Variants in ERC2 observed in about 807,000 individuals in gnomAD.
ERC2 encodes ERC protein 2.
In ERC2, 42 loss-of-function variants were observed where a neutral mutation model predicts 114.8. The observed-to-expected ratio is 0.37, with a 90% confidence interval of 0.29 to 0.47. The LOEUF (loss-of-function observed/expected upper bound fraction) is 0.47, where lower values mean the gene tolerates loss of function less well. Ranked by LOEUF, ERC2 falls within the 20% of genes least tolerant of loss-of-function variation. The probability of loss-of-function intolerance (pLI) is 0.99; values close to 1 mark genes in which losing one functional copy is unlikely to be tolerated. For missense variants in ERC2, 939 were observed against 1,150.7 expected (o/e 0.82, Z 2.66); for synonymous variants, 454 against 425.5 (o/e 1.07, Z -0.82).
chr3:56,009,520 A>C (rs1190344959), intron 9 of ERC2, among the ~76,000 whole-genome samples: 2 of 152,182 alleles, frequency 1.3e-5, no homozygotes, highest in African/African-American at 4.8e-5. Flanking sequence ...CGAGTGAGGA[A>C]ATACTGCGGA....
chr3:55,616,032 A>G (rs2059110811), intron 17 of ERC2, among the ~76,000 whole-genome samples: 1 of 152,212 alleles, frequency 6.6e-6, no homozygotes, highest in Admixed American at 6.5e-5. Context: ...TGAGGGATGG[A>G]AATTCACTCT....
At chr3:56,082,713 T>G (rs1397245200) in intron 6 of ERC2, among the ~76,000 whole-genome samples, 1 of 151,978 alleles carries the variant, frequency 6.6e-6, no homozygotes, top group Non-Finnish European at 1.5e-5. Context: ...TTAAATAAGA[T>G]CATATGGAAC....
intron 3 of ERC2, among the ~76,000 whole-genome samples, chr3:56,204,650 G>A (rs538597142): frequency 3.3e-5 from 5 of 151,754 alleles, no homozygotes; most frequent in Non-Finnish European, 7.4e-5. Context: ...TTACAGTCGT[G>A]TACCACCATG....
Position 55,777,982 on chromosome 3 carries a change from A to C in ERC2, c.2565-43064T>G, listed in dbSNP as rs79248748. On this transcript the variant is annotated intron_variant, in intron 14 of 17. Coordinates refer to ENST00000288221, the MANE Select transcript of ERC2 (RefSeq NM_015576.3). The stretch of plus-strand genomic sequence containing the variant: ...TTTCAGACCATAGGAAATTTCCTTG[A>C]TGATGCTTCATATCAGATTAGGTAA... 4.1e-4 allele frequency among the ~76,000 whole-genome samples: 62 copies of C among 152,342 alleles called. 1 individual carries two copies. The East Asian group carries it at 0.012, about 28-fold the overall frequency.
intron 3 of ERC2, among the ~76,000 whole-genome samples, chr3:56,276,551 A>G (rs769969302): frequency 1.3e-5 from 2 of 151,788 alleles, no homozygotes; most frequent in Admixed American, 6.6e-5. Context: ...ATTTTTGACT[A>G]AAGTAACCAT....
intron 14 of ERC2, among the ~76,000 whole-genome samples, chr3:55,809,036 G>C (rs2149121566): frequency 6.6e-6 from 1 of 151,912 alleles, no homozygotes; most frequent in East Asian, 1.9e-4. Context: ...GTCCCCCAGT[G>C]CAGTCTTTTT....
chr3:56,348,275 A>G (rs1247386196), intron 2 of ERC2, among the ~76,000 whole-genome samples: 1 of 152,102 alleles, frequency 6.6e-6, no homozygotes, highest in Non-Finnish European at 1.5e-5. Context: ...GAGATTATGG[A>G]CTGAAATGTC....
At chr3:55,616,906 G>A (rs768503791) in intron 17 of ERC2, among the ~76,000 whole-genome samples, 11 of 152,088 alleles carry the variant, frequency 7.2e-5, no homozygotes, top group Non-Finnish European at 1.0e-4. Flanking sequence ...AAACAGGGGA[G>A]GAGGTGAAGT....
At chr3:55,683,735 AC>A in intron 17 of ERC2, 58 bp downstream of exon 17, 4 of 1,365,304 alleles carry the variant, frequency 2.9e-6, no homozygotes, top group Non-Finnish European at 3.1e-6. Flanking sequence ...GAGCACGCAC[AC>A]AATACAACAC....
intron 14 of ERC2, among the ~76,000 whole-genome samples, chr3:55,799,478 T>TATATATATATATA (rs2070866316): frequency 2.3e-5 from 2 of 85,318 alleles, no homozygotes; most frequent in African/African-American, 5.4e-5. Context: ...TATATATGCC[T>TATATATATATATA]TATCTATCAC....
intron 2 of ERC2, among the ~76,000 whole-genome samples, chr3:56,391,105 C>G (rs1294726678): frequency 6.6e-6 from 1 of 152,188 alleles, no homozygotes; most frequent in African/African-American, 2.4e-5. Flanking sequence ...GTGAAGCAAT[C>G]AGACCACAAC....
intron 2 of ERC2, among the ~76,000 whole-genome samples, chr3:56,346,905 C>T (rs1311231025): frequency 1.3e-5 from 2 of 152,118 alleles, no homozygotes; most frequent in African/African-American, 2.4e-5. Context: ...CAGCCACAAA[C>T]CCTTTTATAA....
intron 6 of ERC2, among the ~76,000 whole-genome samples, chr3:56,086,550 C>T (rs888903997): frequency 3.3e-5 from 5 of 149,894 alleles, no homozygotes; most frequent in Non-Finnish European, 5.9e-5. Flanking sequence ...TCACAAGCAA[C>T]ATTAGCCCAG....
In ERC2 at chr3:55,834,176, C is replaced by T. The variant is rs188069955; in HGVS notation, c.2564+54213G>A. 4.8e-3 allele frequency among the ~76,000 whole-genome samples: 738 copies of T among 152,204 alleles called. 2 individuals carry two copies. Among genetic ancestry groups the T allele is most frequent in the Non-Finnish European group, 6.8e-3 (464 of 68,020 alleles). On this transcript the variant is annotated intron_variant, in intron 14 of 17. Transcript: ENST00000288221. ...ATTAATAATGGGAGACTTTAACACC[C>T]CACTGTCAACGTTAGACAGATGAAC...
chr3:56,468,077 C>G (rs950413669), intron 1 of ERC2, among the ~76,000 whole-genome samples, 171 bp downstream of exon 1: 1 of 147,490 alleles, frequency 6.8e-6, no homozygotes, highest in East Asian at 2.0e-4. Context: ...CCATCCCTCC[C>G]CCCGCCCAAG....
At chr3:56,286,400 G>C (rs138558809) in intron 3 of ERC2, among the ~76,000 whole-genome samples, 7,467 of 87,200 alleles carry the variant, frequency 0.086, 523 homozygotes, top group African/African-American at 0.22. Flanking sequence ...GGCAACAAAA[G>C]TGAAACTCCA....
chr3:56,014,581 C>G (rs1445015120), intron 8 of ERC2, among the ~76,000 whole-genome samples: 1 of 152,006 alleles, frequency 6.6e-6, no homozygotes, highest in Non-Finnish European at 1.5e-5. Flanking sequence ...AGATTCCTTC[C>G]CAGACACCCC....
intron 14 of ERC2, among the ~76,000 whole-genome samples, chr3:55,841,965 T>C (rs1322926018): frequency 1.3e-5 from 2 of 152,164 alleles, no homozygotes; most frequent in Non-Finnish European, 2.9e-5. Flanking sequence ...GCTAATTAAA[T>C]GTGTATTTCC....
intron 17 of ERC2, among the ~76,000 whole-genome samples, chr3:55,647,509 T>C (rs2060445143): frequency 6.6e-6 from 1 of 152,142 alleles, no homozygotes; most frequent in African/African-American, 2.4e-5. Context: ...ATGTAAAACA[T>C]TAAGAAATAT....
Sources: gnomAD v4.1 joint callset for allele counts (sites outside exome capture counted in the v4.1 genomes callset) on GRCh38, gnomAD v4.1.1 for gene constraint, MANE v1.5 for transcripts, NCBI Gene and HGNC (gene_info 2026-07-23, HGNC 2026-07-21) for gene names.